The following TMEM255A variants were observed in gnomAD, a reference collection of about 807,000 sequenced individuals.
The protein encoded by TMEM255A is transmembrane protein 255A.
In TMEM255A, 14 loss-of-function variants were observed where a neutral mutation model predicts 23.5. The observed-to-expected ratio is 0.60, with a 90% CI of 0.39 to 0.93. The LOEUF (loss-of-function observed/expected upper bound fraction) is 0.93. Ranked by LOEUF, TMEM255A falls within the 40% of genes least tolerant of loss-of-function variation. The probability of loss-of-function intolerance (pLI) is 0.00; values close to 1 mark genes in which losing one functional copy is unlikely to be tolerated. For synonymous variants in TMEM255A, 104 were observed against 100.3 expected (o/e 1.04, Z -0.22); for missense variants, 233 against 261.7 (o/e 0.89, Z 0.76).
chrX:120,265,477 T>A (rs1312094198), intron 8 of TMEM255A, among the ~76,000 whole-genome samples: 8 of 111,886 alleles, frequency 7.2e-5, no homozygotes, highest in African/African-American at 2.6e-4. Flanking sequence ...TCAGTGGGGA[T>A]CAAGAGTAAA....
At chrX:120,270,927 C>T (rs782041080) in intron 7 of TMEM255A, among the ~76,000 whole-genome samples, 2 of 111,560 alleles carry the variant, frequency 1.8e-5, no homozygotes, top group South Asian at 7.6e-4. Flanking sequence ...GGACTTTTTA[C>T]ACCATGGTCT....
Position 120,285,104 on chromosome X carries a change from T to C in TMEM255A, c.512+23A>G, listed in dbSNP as rs781900475. On this transcript the variant is annotated intron_variant, in intron 6 of 8. Transcript: ENST00000371369. ...TCCGTTGTGGTCAGACCATTATTCC[T>C]GTGTCTGGGCCTCAACACTTACTTG... 3.4e-6 allele frequency: 4 copies of C among 1,169,522 alleles called. No individual in the cohort carries two copies. The South Asian group carries it at 7.2e-5, about 21-fold the overall frequency.
rs1199316608 is a variant in TMEM255A, at chrX:120,296,981, T to TTA, written c.202-2932_202-2931dup. 1.1e-3 allele frequency among the ~76,000 whole-genome samples: 3 copies of TTA among 2,679 alleles called. 1 individual carries two copies. Among genetic ancestry groups the TTA allele is most frequent in the Non-Finnish European group, 1.5e-3 (3 of 1,951 alleles). The allele number at this position is 2,679 out of a possible 115,157, so 2.3% of individuals were successfully genotyped here. On this transcript the variant is annotated intron_variant, in intron 2 of 8. Coordinates refer to ENST00000371369, the MANE Select transcript of TMEM255A (RefSeq NM_001104544.3). ...TATATAATATATAATATTATATATATTATATATATATTATATATAATATAT... is the reference window on the plus strand; with the variant it reads ...TATATAATATATAATATTATATATATTATATATATATATTATATATAATATAT...
At chrX:120,302,174 A>C (rs2058037175) in intron 2 of TMEM255A, among the ~76,000 whole-genome samples, 1 of 111,173 alleles carries the variant, frequency 9.0e-6, no homozygotes, top group East Asian at 2.8e-4. Context: ...TGCTAGCTGA[A>C]CATCAGGTAC....
In TMEM255A at chrX:120,297,754, C is replaced by T. The variant is rs530173939; in HGVS notation, c.202-3703G>A. On this transcript the variant is annotated intron_variant, in intron 2 of 8. Transcript: ENST00000371369. ...AGCTTGAGTTCTTTTAGCCACACCT[C>T]GCTGCATTTGTGACCAGTGCTAGTA... Among the ~76,000 whole-genome samples the T allele has an allele frequency of 1.4e-4, 16 of 111,095 alleles. 1 individual carries two copies. Among genetic ancestry groups the T allele is most frequent in the East Asian group, 8.5e-4 (3 of 3,537 alleles).
intron 6 of TMEM255A, among the ~76,000 whole-genome samples, chrX:120,279,757 G>T (rs1273563013): frequency 9.0e-6 from 1 of 111,444 alleles, no homozygotes; most frequent in Non-Finnish European, 1.9e-5. Context: ...TAACTTCTCT[G>T]AGCCCGGGGG....
chrX:120,281,917 C>A (rs782528222), intron 6 of TMEM255A, among the ~76,000 whole-genome samples: 4 of 111,848 alleles, frequency 3.6e-5, no homozygotes, highest in African/African-American at 1.3e-4. Flanking sequence ...AACCTCAACA[C>A]CCCTGACGTC....
intron 2 of TMEM255A, among the ~76,000 whole-genome samples, chrX:120,304,040 A>C (rs373231351): frequency 1.4e-3 from 150 of 110,878 alleles, no homozygotes; most frequent in African/African-American, 4.8e-3. Flanking sequence ...CCCGGAGAGA[A>C]AGGACCTTAG....
chrX:120,268,442 T>C, intron 7 of TMEM255A, 55 bp from the exon 8 acceptor site: 1 of 964,004 alleles, frequency 1.0e-6, no homozygotes, highest in Non-Finnish European at 1.4e-6. Flanking sequence ...AGGAGAATGG[T>C]TAAATAAACT....
At chrX:120,270,550 A>G (rs1455384038) in intron 7 of TMEM255A, among the ~76,000 whole-genome samples, 2 of 111,635 alleles carry the variant, frequency 1.8e-5, no homozygotes, top group Non-Finnish European at 3.8e-5. Flanking sequence ...AGCGATACCA[A>G]TTAGGAGAAA....
At chrX:120,284,989 G>A in intron 6 of TMEM255A, 138 bp downstream of exon 6, 2 of 556,487 alleles carry the variant, frequency 3.6e-6, no homozygotes, top group Non-Finnish European at 6.3e-6. Context: ...GGCAAGTAAT[G>A]TCTGTTAGCC....
chrX:120,300,713 T>G (rs782195423), intron 2 of TMEM255A, among the ~76,000 whole-genome samples: 77 of 107,705 alleles, frequency 7.1e-4, no homozygotes, highest in African/African-American at 2.6e-3. Context: ...TTTTTAAATT[T>G]TATTTATTTA....
intron 7 of TMEM255A, among the ~76,000 whole-genome samples, chrX:120,272,836 G>T (rs1337650743): frequency 9.5e-6 from 1 of 105,707 alleles, no homozygotes; most frequent in African/African-American, 3.6e-5. Flanking sequence ...CCACCTCCCA[G>T]GTTCAAGTGA....
downstream of TMEM255A, chrX:120,256,560 A>G (rs1294958633): frequency 8.1e-6 from 1 of 122,853 alleles, no homozygotes; most frequent in African/African-American, 3.3e-5. Flanking sequence ...CTGCAATATT[A>G]TAGTAATCAG....
chrX:120,286,315 C>T (rs143855315), intron 5 of TMEM255A, among the ~76,000 whole-genome samples: 3 of 112,176 alleles, frequency 2.7e-5, no homozygotes, highest in Non-Finnish European at 5.6e-5. Context: ...CTCTTCCCAA[C>T]TGAAAGTTTA....
At chrX:120,310,097 C>T (rs1157826369) in intron 1 of TMEM255A, 1 of 111,051 alleles carries the variant, frequency 9.0e-6, no homozygotes, top group East Asian at 2.8e-4. Flanking sequence ...GCAAATTCAT[C>T]GGAGAAGACC....
chrX:120,276,359 G>T (rs1324222105), intron 7 of TMEM255A, among the ~76,000 whole-genome samples: 4 of 112,061 alleles, frequency 3.6e-5, no homozygotes, highest in African/African-American at 1.3e-4. Flanking sequence ...TTGAAGGCAA[G>T]ACCTGGCAAG....
intron 6 of TMEM255A, 115 bp downstream of exon 6, chrX:120,285,012 C>G: frequency 1.5e-6 from 1 of 666,247 alleles, no homozygotes; most frequent in East Asian, 3.2e-5. Context: ...AATCTGTTAA[C>G]AGATCAATGT....
At position 120,260,254 on chromosome X, in the gene TMEM255A, G is replaced by A; in HGVS notation, c.*616C>T. 1.4e-6 allele frequency: 1 copy of A among 740,642 alleles called. No individual in the cohort carries two copies. The highest frequency in any genetic ancestry group is 1.6e-6 in the Non-Finnish European group (1 of 626,554). 61.0% of individuals were successfully genotyped at this position (740,642 alleles called of 1,213,427 possible). ...GAATATTGCACTTTTCCCTTTAGGA[G>A]GTACCAATAACAAAAGCTGAGCTGA... On this transcript the variant is annotated 3_prime_UTR_variant, in exon 9 of 9. Transcript: ENST00000371369.
Sources: gnomAD v4.1 joint callset for allele counts (sites outside exome capture counted in the v4.1 genomes callset) on GRCh38, gnomAD v4.1.1 for gene constraint, MANE v1.5 for transcripts, NCBI Gene and HGNC (gene_info 2026-07-23, HGNC 2026-07-21) for gene names.